The following MEPE variants were observed in gnomAD, a reference collection of about 807,000 sequenced individuals.
MEPE encodes the protein matrix extracellular phosphoglycoprotein.
A neutral mutation model predicts 7.3 loss-of-function variants in MEPE; 7 were observed. The observed-to-expected ratio is 0.95, with a 90% confidence interval of 0.54 to 1.79. The LOEUF (loss-of-function observed/expected upper bound fraction) is 1.79, where lower values mean the gene tolerates loss of function less well. Among genes scored for constraint, MEPE ranks in the 40% most tolerant of loss-of-function variants. MEPE has a pLI of 0.00. For synonymous variants in MEPE, 214 were observed against 213.1 expected, an observed-to-expected ratio of 1.00 and a Z score of -0.04; for missense variants, 623 against 628.2, an observed-to-expected ratio of 0.99 and a Z score of 0.09.
chr4:87,835,307 A>G (rs988229501), intron 2 of MEPE, among the ~76,000 whole-genome samples: 1 of 152,142 alleles, frequency 6.6e-6, no homozygotes, highest in African/African-American at 2.4e-5. Context: ...GCTTAACCCA[A>G]ATCAAGCTCC....
chr4:87,837,118 A>G (rs1722824779), intron 2 of MEPE, among the ~76,000 whole-genome samples: 1 of 152,162 alleles, frequency 6.6e-6, no homozygotes, highest in African/African-American at 2.4e-5. Flanking sequence ...GCGACTTTCT[A>G]AGGGAAGCTA....
intron 3 of MEPE, among the ~76,000 whole-genome samples, chr4:87,840,588 G>A (rs1722976438): frequency 6.6e-6 from 1 of 152,120 alleles, no homozygotes; most frequent in African/African-American, 2.4e-5. Context: ...AAATGATGGA[G>A]AAAACAAATT....
chr4:87,833,525 C>A (rs1350794291), intron 1 of MEPE, among the ~76,000 whole-genome samples: 1 of 152,116 alleles, frequency 6.6e-6, no homozygotes, highest in African/African-American at 2.4e-5. Flanking sequence ...TTAATAGTTA[C>A]AATCATTTCT....
intron 3 of MEPE, among the ~76,000 whole-genome samples, chr4:87,842,368 C>G (rs1723047634): frequency 6.6e-6 from 1 of 152,196 alleles, no homozygotes; most frequent in Admixed American, 6.5e-5. Context: ...CTCGTGTATT[C>G]TGACATCTTT....
At position 87,846,411 on chromosome 4, in the gene MEPE, G is replaced by C; in HGVS notation, c.1543G>C (p.Asp515His). The C allele has an allele frequency of 6.2e-7, 1 of 1,613,854 alleles. No homozygotes were observed. Among genetic ancestry groups the C allele is most frequent in the Non-Finnish European group, 8.5e-7 (1 of 1,179,856 alleles). Residue 515 changes from aspartate (D) to histidine (H), a missense_variant, in exon 4 of 4, where the codon GAC becomes CAC. Transcript: ENST00000361056. ...AAGGGATGACAGTAGTGAGTCATCT[G>C]ACAGTGGCAGTTCAAGTGAGAGCGA... is the stretch of plus-strand genomic sequence containing the variant. Reference protein sequence around the residue: ...RRRDDSSESSDSGSSSESDGD With the variant: ...RRRDDSSESSHSGSSSESDGD
intron 2 of MEPE, 70 bp downstream of exon 2, chr4:87,834,838 A>T: frequency 7.4e-7 from 1 of 1,359,806 alleles, no homozygotes; most frequent in South Asian, 1.3e-5. Context: ...TCTTTCAAGC[A>T]ACGTCTATTT....
upstream of MEPE, among the ~76,000 whole-genome samples, chr4:87,829,300 G>C (rs558624118): frequency 1.3e-5 from 2 of 151,832 alleles, no homozygotes; most frequent in East Asian, 3.9e-4. Context: ...TTTTAGCTTT[G>C]AGAGCAGTAT....
rs1349501028 is a variant in MEPE, at chr4:87,845,189, T to A, written c.321T>A (p.Asn107Lys). The A allele has an allele frequency of 6.2e-7, 1 of 1,613,906 alleles. No individual in the cohort carries two copies. The highest frequency in any genetic ancestry group is 1.1e-5 in the South Asian group (1 of 91,050). Residue 107 changes from asparagine to lysine, a missense_variant, in exon 4 of 4, where the codon AAT (asparagine) becomes AAA (lysine). Physicochemically the swap from Asn to Lys is moderately conservative, Grantham distance 94. Transcript: ENST00000361056. ...NKEYSISNKE[N>K]THNGLRMSIY... ...AATATAGTATCAGTAACAAAGAGAATACTCACAATGGCCTGAGGATGTCAA... is the reference window on the plus strand; with the variant it reads ...AATATAGTATCAGTAACAAAGAGAAAACTCACAATGGCCTGAGGATGTCAA...
At position 87,845,912 on chromosome 4, in the gene MEPE, G is replaced by A; in HGVS notation, c.1044G>A (p.Lys348=). 1 of 1,613,966 alleles carries A rather than the reference G, an allele frequency of 6.2e-7. No individual in the cohort carries two copies. The highest frequency in any genetic ancestry group is 8.5e-7 in the Non-Finnish European group (1 of 1,179,950). ...ATATCATGGGTAGTACCAATTTTAA[G>A]GAGCTCCCTGGAAGAGAAGGAAACA... ...SNDIMGSTNF[K]ELPGREGNRV... is the part of the protein sequence containing the mutation. Residue 348 remains lysine, a synonymous_variant, in exon 4 of 4, where the codon AAG becomes AAA. Coordinates refer to ENST00000361056, the MANE Select transcript of MEPE (RefSeq NM_020203.6).
At chr4:87,831,080 T>C (rs1448111835), upstream of MEPE, among the ~76,000 whole-genome samples, 1 of 152,156 alleles carries the variant, frequency 6.6e-6, no homozygotes, top group Admixed American at 6.6e-5. Flanking sequence ...TAATTTCTTA[T>C]TGATGCTTTA....
chr4:87,846,395 C>T lies in MEPE; in HGVS notation c.1527C>T (p.Asp509=). ...NRRFSSRRRD[D]SSESSDSGSS... is the part of the protein sequence containing the mutation. ...GGTTTAGTTCCCGTAGAAGGGATGA[C>T]AGTAGTGAGTCATCTGACAGTGGCA... The change falls in exon 4 of 4, where the codon GAC becomes GAT. Residue 509 remains aspartate (D), a synonymous_variant. Coordinates refer to ENST00000361056, the MANE Select transcript of MEPE (RefSeq NM_020203.6). 6.2e-7 allele frequency: 1 copy of T among 1,613,972 alleles called. No homozygotes were observed. The highest frequency in any genetic ancestry group is 8.5e-7 in the Non-Finnish European group (1 of 1,179,912).
intron 3 of MEPE, chr4:87,839,978 C>G (rs1005130392): frequency 2.5e-5 from 39 of 1,535,312 alleles, no homozygotes; most frequent in Non-Finnish European, 3.4e-5. Context: ...TCTTCCTGAT[C>G]CCCATCCCAT....
chr4:87,833,190 C>T (rs1050819358), intron 1 of MEPE, among the ~76,000 whole-genome samples, 176 bp downstream of exon 1: 1 of 152,102 alleles, frequency 6.6e-6, no homozygotes, highest in Non-Finnish European at 1.5e-5. Context: ...TTACCATGCT[C>T]TAGAAATCAT....
chr4:87,844,983 G>A lies in MEPE; in HGVS notation c.115G>A (p.Glu39Lys). The A allele has an allele frequency of 6.5e-7, 1 of 1,535,852 alleles. No homozygotes were observed. The highest frequency in any genetic ancestry group is 2.3e-5 in the East Asian group (1 of 43,368). Residue 39 changes from glutamate to lysine, a missense_variant, in exon 4 of 4, where the codon GAA becomes AAA. Coordinates refer to ENST00000361056, the MANE Select transcript of MEPE (RefSeq NM_020203.6). ...ATTGAAAATTGTATTTTAGCAGGAA[G>A]AAAAAAACAAAGACAATATTGGTTT... ...QSCVEEQRQE[E>K]KNKDNIGFHH...
Position 87,846,200 on chromosome 4 carries a change from T to C in MEPE, c.1332T>C (p.Asp444=), listed in dbSNP as rs571197309. 38 of 1,614,052 alleles carry C rather than the reference T, an allele frequency of 2.4e-5. 1 individual carries two copies. In the South Asian group the frequency reaches 3.4e-4, roughly 14 times the overall value. The change falls in exon 4 of 4, where the codon GAT becomes GAC. Residue 444 remains aspartate (D), a synonymous_variant. Transcript: ENST00000361056. The part of the protein sequence containing the change: ...QGLPIPSRGL[D]NEIKNEMDSF... ...TGCCCATTCCTTCTCGTGGTCTTGA[T>C]AATGAAATCAAAAACGAAATGGATT...
upstream of MEPE, among the ~76,000 whole-genome samples, chr4:87,828,199 T>C (rs1215885147): frequency 6.6e-6 from 1 of 152,176 alleles, no homozygotes; most frequent in African/African-American, 2.4e-5. Flanking sequence ...TTACTCAACA[T>C]GGACCCCTCT....
At chr4:87,833,058 A>G (rs1722640027) in intron 1 of MEPE, 44 bp downstream of exon 1, 1 of 152,188 alleles carries the variant, frequency 6.6e-6, no homozygotes. Context: ...GCTTTATATC[A>G]TAGTTGTTTA....
At chr4:87,827,304 C>T (rs1022838938) in intron 1 of MEPE, among the ~76,000 whole-genome samples, 3 of 152,022 alleles carry the variant, frequency 2.0e-5, no homozygotes, top group Non-Finnish European at 4.4e-5. Flanking sequence ...ATAACTGGAA[C>T]AGGAACTGAC....
intron 1 of MEPE, among the ~76,000 whole-genome samples, chr4:87,822,773 C>T (rs188183019): frequency 1.6e-4 from 24 of 152,284 alleles, no homozygotes; most frequent in Non-Finnish European, 1.5e-4. Flanking sequence ...ACTAAAGAGA[C>T]GAATGAGAAA....
Sources: allele counts gnomAD v4.1 joint callset (sites outside exome capture counted in the v4.1 genomes callset), GRCh38; gene constraint gnomAD v4.1.1; transcripts MANE v1.5; gene names NCBI Gene and HGNC (gene_info 2026-07-23, HGNC 2026-07-21).